Variants in FRMD3 observed in about 807,000 individuals in gnomAD.
The protein encoded by FRMD3 is FERM domain containing 3, also known as FERM domain-containing protein 3.
In FRMD3, 33 loss-of-function variants were observed where a neutral mutation model predicts 70.2. The ratio of observed to expected loss-of-function variants is 0.47; its 90% CI spans 0.36 to 0.63. FRMD3 has a LOEUF of 0.63. Among genes scored for constraint, FRMD3 ranks in the 20% least tolerant of loss-of-function variants. FRMD3 has a pLI of 0.00. For synonymous variants in FRMD3, 279 were observed against 255.9 expected, an observed-to-expected ratio of 1.09 and a Z score of -0.86; for missense variants, 632 against 711.4, an observed-to-expected ratio of 0.89 and a Z score of 1.27.
chr9:83,388,381 C>T (rs966039399), intron 2 of FRMD3, among the ~76,000 whole-genome samples: 1 of 152,078 alleles, frequency 6.6e-6, no homozygotes, highest in African/African-American at 2.4e-5. Flanking sequence ...CAGAGGGGTC[C>T]TATCCCCACT....
chr9:83,465,222 C>G (rs1395719534), intron 1 of FRMD3, among the ~76,000 whole-genome samples: 1 of 152,140 alleles, frequency 6.6e-6, no homozygotes, highest in East Asian at 1.9e-4. Context: ...GATGAGGAAA[C>G]TGTCATGACC....
At chr9:83,320,451 A>G (rs1835755400) in intron 6 of FRMD3, among the ~76,000 whole-genome samples, 2 of 152,146 alleles carry the variant, frequency 1.3e-5, no homozygotes, top group African/African-American at 2.4e-5. Context: ...GATGTATCAC[A>G]TTTATGGATT....
chr9:83,490,794 T>TCACACA lies in FRMD3; in HGVS notation c.147+47290_147+47291insTGTGTG, dbSNP rs762233137. ...CTCTCTCTCTCTCTCTCTCTCTCTC[T>TCACACA]CTCTCACACACACACACACACACAC... On this transcript the variant is annotated intron_variant, in intron 1 of 13. Transcript: ENST00000304195. Among the ~76,000 whole-genome samples, 164 of 120,604 alleles carry TCACACA rather than the reference T, an allele frequency of 1.4e-3. No individual in the cohort carries two copies. In the East Asian group the frequency reaches 0.025, roughly 19 times the overall value. 79.1% of individuals were successfully genotyped at this position (120,604 alleles called of 152,430 possible). A position where few individuals can be genotyped will look rare whatever the true frequency, so the allele number is the denominator to read the frequency against.
intron 13 of FRMD3, among the ~76,000 whole-genome samples, chr9:83,261,102 GACACACACAC>G (rs59345002): frequency 8.3e-4 from 111 of 133,150 alleles, no homozygotes; most frequent in South Asian, 3.3e-3. Flanking sequence ...AGGAAACTTA[GACACACACAC>G]ACACACACAC....
intron 1 of FRMD3, among the ~76,000 whole-genome samples, chr9:83,461,680 T>TGAGA (rs1346798525): frequency 1.3e-5 from 1 of 75,068 alleles, no homozygotes; most frequent in South Asian, 5.2e-4. Flanking sequence ...TTTTTTTTTT[T>TGAGA]TTTTTTTTTT....
At chr9:83,343,135 A>G (rs1363807090) in intron 5 of FRMD3, 55 bp downstream of exon 5, 2 of 1,275,526 alleles carry the variant, frequency 1.6e-6, no homozygotes. Flanking sequence ...GAGGCTTGAA[A>G]CAGCCAGAGC....
chr9:83,341,599 C>G (rs1823760263), intron 5 of FRMD3, among the ~76,000 whole-genome samples: 1 of 152,072 alleles, frequency 6.6e-6, no homozygotes, highest in Non-Finnish European at 1.5e-5. Context: ...GATTTACAGT[C>G]CTTTCACTCC....
intron 13 of FRMD3, among the ~76,000 whole-genome samples, chr9:83,271,917 C>G (rs1833567620): frequency 6.6e-6 from 1 of 152,214 alleles, no homozygotes; most frequent in Admixed American, 6.5e-5. Context: ...TGACTTACTT[C>G]CTTGTATTTT....
intron 5 of FRMD3, among the ~76,000 whole-genome samples, chr9:83,342,074 T>TCTCTCTCTCTC (rs58893295): frequency 6.6e-6 from 1 of 151,398 alleles, no homozygotes; most frequent in South Asian, 2.1e-4. Flanking sequence ...TCTCTCTCTC[T>TCTCTCTCTCTC]TTCCCCCAGC....
At chr9:83,368,732 T>C (rs1824871080) in intron 3 of FRMD3, among the ~76,000 whole-genome samples, 1 of 152,232 alleles carries the variant, frequency 6.6e-6, no homozygotes, top group Admixed American at 6.5e-5. Flanking sequence ...TTGTGTCACT[T>C]GTGTCATTAG....
At chr9:83,296,725 A>ATTC (rs1392454701) in intron 12 of FRMD3, among the ~76,000 whole-genome samples, 42 of 152,250 alleles carry the variant, frequency 2.8e-4, no homozygotes, top group Middle Eastern at 3.4e-3. Flanking sequence ...AGAAAAGGGA[A>ATTC]ACTATGATTT....
chr9:83,248,162 C>T lies in FRMD3; in HGVS notation c.1550G>A (p.Gly517Asp), dbSNP rs1307470090. ...ALSWSYDILT[G>D]HIRVNPLVKS... The stretch of plus-strand genomic sequence containing the variant: ...GACCAGTGGGTTCACCCGAATATGG[C>T]CAGTCAGAATGTCATAGCTCCACGA... Residue 517 changes from glycine (G) to aspartate (D), a missense_variant, in exon 14 of 14, where the codon GGC becomes GAC. By Grantham distance (94) the Gly-to-Asp change is moderately conservative. Around this residue, in one of 3 missense-constraint regions of FRMD3, gnomAD observed 418 missense variants for 442.1 expected, o/e 0.95. Coordinates refer to ENST00000304195, the MANE Select transcript of FRMD3 (RefSeq NM_174938.6). 2 of 1,614,190 alleles carry T rather than the reference C, an allele frequency of 1.2e-6. No homozygotes were observed. The highest frequency in any genetic ancestry group is 2.2e-5 in the South Asian group (2 of 91,080).
intron 4 of FRMD3, among the ~76,000 whole-genome samples, chr9:83,347,828 G>A (rs182326769): frequency 5.9e-5 from 9 of 152,142 alleles, no homozygotes; most frequent in South Asian, 2.1e-4. Context: ...TTCTCAATTC[G>A]TTTAGAATTC....
At chr9:83,479,302 AAGG>A (rs1202204420) in intron 1 of FRMD3, among the ~76,000 whole-genome samples, 21 of 118,434 alleles carry the variant, frequency 1.8e-4, no homozygotes, top group South Asian at 1.4e-3. Context: ...GAAGAAGAAG[AAGG>A]AGAAGGAGAA....
intron 13 of FRMD3, among the ~76,000 whole-genome samples, chr9:83,275,222 C>T (rs1833757745): frequency 6.6e-6 from 1 of 152,194 alleles, no homozygotes; most frequent in Admixed American, 6.5e-5. Flanking sequence ...AGGTCAGGAT[C>T]ACTTTACTCT....
upstream of FRMD3, chr9:83,538,434 G>A (rs1439972335): frequency 2.6e-5 from 10 of 387,410 alleles, no homozygotes; most frequent in Admixed American, 9.1e-5. The surrounding 1 kb of genome is among the most constrained non-coding windows in gnomAD (Gnocchi z 4.7). Context: ...GCTCGCCTCC[G>A]CCTCGCCCCC....
chr9:83,477,196 T>C (rs766710543), intron 1 of FRMD3, among the ~76,000 whole-genome samples: 2 of 152,196 alleles, frequency 1.3e-5, no homozygotes, highest in African/African-American at 2.4e-5. Flanking sequence ...CGTCTGCACA[T>C]AAAAGTTTGA....
At chr9:83,284,338 G>A (rs949966880) in intron 13 of FRMD3, among the ~76,000 whole-genome samples, 2 of 152,006 alleles carry the variant, frequency 1.3e-5, no homozygotes. Flanking sequence ...GCCCAGGCAC[G>A]GTGGTTCACT....
intron 1 of FRMD3, among the ~76,000 whole-genome samples, chr9:83,430,631 CTT>C (rs927547739): frequency 6.6e-6 from 1 of 151,996 alleles, no homozygotes; most frequent in African/African-American, 2.4e-5. Flanking sequence ...TAAGAAATGT[CTT>C]TCATTTCACA....
Sources: gnomAD v4.1 joint callset for allele counts (sites outside exome capture counted in the v4.1 genomes callset) on GRCh38, gnomAD v4.1.1 for gene constraint, gnomAD v4.1.1 regional missense constraint, Gnocchi (gnomAD v3.1) non-coding constraint, MANE v1.5 for transcripts, NCBI Gene and HGNC (gene_info 2026-07-23, HGNC 2026-07-21) for gene names.